CSMD1: variants seen among roughly 807,000 people sequenced by gnomAD.
CSMD1 encodes the protein CUB and Sushi multiple domains 1, also known as CUB and sushi domain-containing protein 1.
A neutral mutation model predicts 417.5 loss-of-function variants in CSMD1; 213 were observed. That is an observed-to-expected ratio of 0.51 (90% CI 0.46 to 0.57). The LOEUF is 0.57. Among genes scored for constraint, CSMD1 ranks in the 20% least tolerant of loss-of-function variants. The pLI is 0.00. For missense variants in CSMD1, 6,923 were observed against 4,529.7 expected (o/e 1.53, Z -15.17); for synonymous variants, 2,862 against 1,736.8 (o/e 1.65, Z -16.11).
chr8:4,921,100 A>C (rs1806467203), intron 1 of CSMD1, among the ~76,000 whole-genome samples: 1 of 151,258 alleles, frequency 6.6e-6, no homozygotes, highest in Non-Finnish European at 1.5e-5. Flanking sequence ...AAAAGAAAAA[A>C]GAAGAAAGAA....
At chr8:4,362,220 G>C (rs1030946316) in intron 3 of CSMD1, among the ~76,000 whole-genome samples, 1 of 152,144 alleles carries the variant, frequency 6.6e-6, no homozygotes, top group Non-Finnish European at 1.5e-5. Context: ...GATCCTGGGA[G>C]ATTTTAACAA....
intron 26 of CSMD1, chr8:3,278,812 G>A (rs1213062538): frequency 6.6e-6 from 1 of 152,156 alleles, no homozygotes. Flanking sequence ...GGTTTGGAAA[G>A]ACACCAGCTT....
At chr8:4,000,295 C>T (rs1037300685) in intron 4 of CSMD1, among the ~76,000 whole-genome samples, 5 of 152,236 alleles carry the variant, frequency 3.3e-5, no homozygotes, top group Admixed American at 6.5e-5. Flanking sequence ...TGAGAACCAG[C>T]TGCACAACTG....
At chr8:2,985,572 T>A (rs936937129) in intron 54 of CSMD1, among the ~76,000 whole-genome samples, 3 of 152,252 alleles carry the variant, frequency 2.0e-5, no homozygotes, top group Non-Finnish European at 2.9e-5. Flanking sequence ...TCCTTATAGT[T>A]TTCTTCTGAA....
chr8:3,042,593 G>C (rs920895483), intron 50 of CSMD1, among the ~76,000 whole-genome samples: 1 of 152,114 alleles, frequency 6.6e-6, no homozygotes, highest in Non-Finnish European at 1.5e-5. Flanking sequence ...CTGTGGATGA[G>C]CATAAAAGGA....
chr8:3,958,960 G>A (rs1033694442), intron 5 of CSMD1, among the ~76,000 whole-genome samples: 1 of 152,124 alleles, frequency 6.6e-6, no homozygotes, highest in East Asian at 1.9e-4. Flanking sequence ...CCTTGGCTTA[G>A]GATCTGTGAG....
At chr8:3,596,897 T>C (rs1801121289) in intron 8 of CSMD1, among the ~76,000 whole-genome samples, 1 of 152,180 alleles carries the variant, frequency 6.6e-6, no homozygotes, top group African/African-American at 2.4e-5. Flanking sequence ...GTTGGCACAA[T>C]GCAAGCGCTC....
intron 5 of CSMD1, among the ~76,000 whole-genome samples, chr8:3,921,645 C>G (rs564896097): frequency 1.6e-3 from 245 of 152,090 alleles, no homozygotes; most frequent in African/African-American, 5.5e-3. Context: ...CTTCCTTCCC[C>G]CATTAGTTGT....
At chr8:4,139,532 G>A (rs889099290) in intron 3 of CSMD1, among the ~76,000 whole-genome samples, 6 of 150,510 alleles carry the variant, frequency 4.0e-5, no homozygotes, top group Non-Finnish European at 7.4e-5. Flanking sequence ...CAGGGGAGTG[G>A]CACTCATCCT....
At chr8:4,044,742 G>T (rs76103086) in intron 3 of CSMD1, among the ~76,000 whole-genome samples, 32 of 19,526 alleles carry the variant, frequency 1.6e-3, no homozygotes, top group South Asian at 4.1e-3. Flanking sequence ...ACCACCCTGG[G>T]CATGTACCAC....
At chr8:3,724,990 C>A (rs1319224939) in intron 6 of CSMD1, among the ~76,000 whole-genome samples, 1 of 152,136 alleles carries the variant, frequency 6.6e-6, no homozygotes, top group South Asian at 2.1e-4. Context: ...GTTTGGTATC[C>A]TAATATTTTA....
At chr8:3,443,240 G>A (rs534553153) in intron 12 of CSMD1, among the ~76,000 whole-genome samples, 153 of 152,260 alleles carry the variant, frequency 1.0e-3, no homozygotes, top group African/African-American at 3.2e-3. Flanking sequence ...CAAAGAACTG[G>A]AAAGAGCTCA....
chr8:4,311,578 C>T (rs1798573992), intron 3 of CSMD1, among the ~76,000 whole-genome samples: 1 of 151,864 alleles, frequency 6.6e-6, no homozygotes. Flanking sequence ...TAAAACTGAG[C>T]CAGGTGTGGT....
chr8:4,713,305 T>G (rs186955352), intron 1 of CSMD1, among the ~76,000 whole-genome samples: 130 of 152,364 alleles, frequency 8.5e-4, no homozygotes, highest in African/African-American at 3.0e-3. Context: ...AAACCTGGGA[T>G]GCTTAAAGAC....
intron 7 of CSMD1, among the ~76,000 whole-genome samples, chr8:3,636,857 C>G (rs1033839004): frequency 6.6e-6 from 1 of 152,140 alleles, no homozygotes; most frequent in Non-Finnish European, 1.5e-5. Context: ...TTCCAAGACT[C>G]ATGTTGAGAT....
intron 7 of CSMD1, among the ~76,000 whole-genome samples, chr8:3,627,278 A>G (rs1796539808): frequency 6.6e-6 from 1 of 152,188 alleles, no homozygotes; most frequent in Non-Finnish European, 1.5e-5. Context: ...CATTTTGAAA[A>G]TACCTAGCTG....
At chr8:4,388,828 G>A (rs569408940) in intron 3 of CSMD1, among the ~76,000 whole-genome samples, 32 of 152,172 alleles carry the variant, frequency 2.1e-4, no homozygotes, top group Non-Finnish European at 1.8e-4. Flanking sequence ...GAATAATCCT[G>A]CCTTCCCTTT....
At chr8:4,597,101 C>G (rs1800325500) in intron 2 of CSMD1, among the ~76,000 whole-genome samples, 1 of 98,668 alleles carries the variant, frequency 1.0e-5, no homozygotes, top group Non-Finnish European at 2.6e-5. Context: ...CAGACTAATA[C>G]AACACACAAT....
chr8:4,023,392 CAA>C (rs1271484519), intron 4 of CSMD1, among the ~76,000 whole-genome samples: 1 of 152,194 alleles, frequency 6.6e-6, no homozygotes, highest in East Asian at 1.9e-4. Context: ...AAATGTGAAA[CAA>C]AAGTAATTCC....
Sources: gnomAD v4.1 joint callset for allele counts (sites outside exome capture counted in the v4.1 genomes callset) on GRCh38, gnomAD v4.1.1 for gene constraint, MANE v1.5 for transcripts, NCBI Gene and HGNC (gene_info 2026-07-23, HGNC 2026-07-21) for gene names.